Variants in SYNJ2 observed in about 807,000 individuals in gnomAD.
SYNJ2 encodes the protein synaptojanin 2, also known as polyphosphatidylinositol phosphatase SYNJ2.
In SYNJ2, 116 loss-of-function variants were observed where a neutral mutation model predicts 141.3. The observed-to-expected ratio is 0.82, with a 90% CI of 0.71 to 0.96. SYNJ2 has a LOEUF of 0.96. Ranked by LOEUF, SYNJ2 falls within the 40% of genes least tolerant of loss-of-function variation. The pLI, the probability that SYNJ2 is intolerant of heterozygous loss-of-function variation, is 0.00. For synonymous variants in SYNJ2, 745 were observed against 777.7 expected (o/e 0.96, Z 0.70); for missense variants, 1,873 against 1,934.8 (o/e 0.97, Z 0.60).
chr6:158,078,407 A>G, intron 18 of SYNJ2, 126 bp downstream of exon 18: 2 of 626,458 alleles, frequency 3.2e-6, no homozygotes, highest in Non-Finnish European at 2.8e-6. Flanking sequence ...TTGTGTGCAT[A>G]CAATACACCA....
chr6:158,006,331 T>A (rs1404398229), intron 1 of SYNJ2, among the ~76,000 whole-genome samples: 2 of 152,132 alleles, frequency 1.3e-5, no homozygotes, highest in African/African-American at 4.8e-5. Context: ...CCCTCCCCAT[T>A]CAGGTTTTTG....
At chr6:158,056,786 G>A (rs1048092370) in intron 6 of SYNJ2, among the ~76,000 whole-genome samples, 4 of 152,148 alleles carry the variant, frequency 2.6e-5, no homozygotes, top group African/African-American at 4.8e-5. Context: ...TCTTTCCCCC[G>A]CAAAACCTTC....
rs1780074374 is a variant in SYNJ2, at chr6:158,043,604, G to C, written c.795+205G>C. Among the ~76,000 whole-genome samples, 1 of 152,248 alleles carries C rather than the reference G, an allele frequency of 6.6e-6. No individual in the cohort carries two copies. Among genetic ancestry groups the C allele is most frequent in the African/African-American group, 2.4e-5 (1 of 41,478 alleles). On this transcript the variant is annotated intron_variant, in intron 5 of 26. Transcript: ENST00000355585. This position sits in a 1 kb window ranked among gnomAD's most constrained non-coding sequence, Gnocchi z 4.0. Reference sequence around the variant, plus strand: ...TGCGTGCGTGTGTGTAGAAAACACAGACACCACTTTGTTGTTTCTGGTCGT... The same window carrying C: ...TGCGTGCGTGTGTGTAGAAAACACACACACCACTTTGTTGTTTCTGGTCGT...
At chr6:158,017,116 G>A (rs1778492463) in intron 1 of SYNJ2, 88 bp from the exon 2 acceptor site, 2 of 1,524,452 alleles carry the variant, frequency 1.3e-6, no homozygotes, top group Non-Finnish European at 1.8e-6. Context: ...GGAGTGGGTG[G>A]GAAGCCAGCT....
At chr6:158,032,131 T>C (rs1411551706) in intron 3 of SYNJ2, among the ~76,000 whole-genome samples, 1 of 152,046 alleles carries the variant, frequency 6.6e-6, no homozygotes, top group Admixed American at 6.5e-5. Context: ...CGGGCTGTGC[T>C]CCCTGTGGGG....
At chr6:158,073,418 G>A (rs1241300549) in intron 15 of SYNJ2, among the ~76,000 whole-genome samples, 2 of 151,986 alleles carry the variant, frequency 1.3e-5, no homozygotes, top group Non-Finnish European at 2.9e-5. Flanking sequence ...AGCTGGTCTC[G>A]AACTCCTGAC....
At chr6:158,018,872 A>C (rs943989202) in intron 2 of SYNJ2, among the ~76,000 whole-genome samples, 5 of 152,220 alleles carry the variant, frequency 3.3e-5, no homozygotes, top group African/African-American at 1.2e-4. Flanking sequence ...CGGGCTGCCG[A>C]GGGTTTTCTG....
intron 3 of SYNJ2, among the ~76,000 whole-genome samples, chr6:158,031,419 T>G (rs9459176): frequency 0.44 from 66,268 of 152,110 alleles, 16,003 homozygotes; most frequent in African/African-American, 0.66. Context: ...AGAGGAGCTT[T>G]GGAAGGAGGA....
chr6:158,064,270 C>G (rs1183786915), intron 9 of SYNJ2, among the ~76,000 whole-genome samples: 1 of 150,030 alleles, frequency 6.7e-6, no homozygotes, highest in Non-Finnish European at 1.5e-5. Flanking sequence ...GTTGACCTCT[C>G]CTGGCTGGGG....
chr6:157,989,798 C>T (rs1306583387), intron 1 of SYNJ2, among the ~76,000 whole-genome samples: 2 of 152,290 alleles, frequency 1.3e-5, no homozygotes, highest in South Asian at 2.1e-4. Context: ...AAACCCAGAA[C>T]GTTAGACTGG....
chr6:158,040,858 T>C lies in SYNJ2; in HGVS notation c.712-2458T>C, dbSNP rs1779908161. Among the ~76,000 whole-genome samples the C allele has an allele frequency of 6.6e-6, 1 of 152,178 alleles. No homozygotes were observed. The highest frequency in any genetic ancestry group is 2.4e-5 in the African/African-American group (1 of 41,442). On this transcript the variant is annotated intron_variant, in intron 4 of 26. Coordinates refer to ENST00000355585, the MANE Select transcript of SYNJ2 (RefSeq NM_003898.4). This position sits in a 1 kb window ranked among gnomAD's most constrained non-coding sequence, Gnocchi z 4.2. ...CACTGGCCTGGCCTCATCACAGCAC[T>C]GGCACGGGCCTCCGACTTTTCTTCC...
chr6:158,058,184 A>G (rs551314579), intron 6 of SYNJ2, among the ~76,000 whole-genome samples: 14 of 152,388 alleles, frequency 9.2e-5, no homozygotes, highest in African/African-American at 3.4e-4. Flanking sequence ...TGAATCATAT[A>G]AAATTCTACC....
chr6:158,059,411 C>T (rs765382426), intron 7 of SYNJ2, 58 bp downstream of exon 7: 25 of 1,541,984 alleles, frequency 1.6e-5, no homozygotes, highest in African/African-American at 4.1e-5. Flanking sequence ...CATGGTGGAG[C>T]GTTGAGCCTG....
At chr6:158,014,925 G>T (rs191911404) in intron 1 of SYNJ2, among the ~76,000 whole-genome samples, 1 of 152,354 alleles carries the variant, frequency 6.6e-6, no homozygotes, top group East Asian at 1.9e-4. Flanking sequence ...TCCAATCCCA[G>T]TTGGGACTTG....
chr6:158,035,931 A>G (rs747766327), intron 4 of SYNJ2, among the ~76,000 whole-genome samples: 1 of 151,746 alleles, frequency 6.6e-6, no homozygotes, highest in Non-Finnish European at 1.5e-5. Context: ...AAGGTCTAAC[A>G]CCCAGCATCT....
intron 14 of SYNJ2, 105 bp downstream of exon 14, chr6:158,069,778 A>T (rs967401255): frequency 7.4e-7 from 1 of 1,348,850 alleles, no homozygotes; most frequent in Non-Finnish European, 9.9e-7. Context: ...TGTAACAGGA[A>T]TCGGGACTTA....
intron 2 of SYNJ2, among the ~76,000 whole-genome samples, chr6:158,026,102 C>T (rs1370839200): frequency 1.3e-5 from 2 of 152,356 alleles, no homozygotes; most frequent in Non-Finnish European, 2.9e-5. Flanking sequence ...TACATTTTGG[C>T]TCCAACACAG....
intron 5 of SYNJ2, among the ~76,000 whole-genome samples, chr6:158,044,469 T>A (rs1467581120): frequency 2.0e-5 from 3 of 152,078 alleles, no homozygotes; most frequent in Admixed American, 2.0e-4. Context: ...AAGTCTTGAT[T>A]AACATTCAGT....
rs766748204 is a variant in SYNJ2, at chr6:158,043,628, G to A, written c.795+229G>A. On this transcript the variant is annotated intron_variant, in intron 5 of 26. Transcript: ENST00000355585. The surrounding 1 kb of genome is among the most constrained non-coding windows in gnomAD (Gnocchi z 4.0). ...AGACACCACTTTGTTGTTTCTGGTC[G>A]TCAAGGATGCTGTGTGAAACCGCTG... 2.0e-5 allele frequency among the ~76,000 whole-genome samples: 3 copies of A among 152,230 alleles called. No individual in the cohort carries two copies. Among genetic ancestry groups the A allele is most frequent in the Admixed American group, 6.5e-5 (1 of 15,286 alleles).
Sources: gnomAD v4.1 joint callset for allele counts (sites outside exome capture counted in the v4.1 genomes callset) on GRCh38, gnomAD v4.1.1 for gene constraint, Gnocchi (gnomAD v3.1) non-coding constraint, MANE v1.5 for transcripts, NCBI Gene and HGNC (gene_info 2026-07-23, HGNC 2026-07-21) for gene names.